Variants in SORCS2 observed in about 807,000 individuals in gnomAD.
The protein encoded by SORCS2 is VPS10 domain-containing receptor SorCS2.
Under a neutral mutation model 141.6 loss-of-function variants are expected in SORCS2, and 100 were observed. The observed-to-expected ratio is 0.71, with a 90% CI of 0.60 to 0.83. The LOEUF (loss-of-function observed/expected upper bound fraction) is 0.83. Among genes scored for constraint, SORCS2 ranks in the 40% least tolerant of loss-of-function variants. The pLI, the probability that SORCS2 is intolerant of heterozygous loss-of-function variation, is 0.00. For missense variants in SORCS2, 1,646 were observed against 1,560.2 expected (o/e 1.05, Z -0.93); for synonymous variants, 789 against 676.9 (o/e 1.17, Z -2.57).
chr4:7,735,148 G>A (rs747830547), intron 25 of SORCS2, among the ~76,000 whole-genome samples: 17 of 152,204 alleles, frequency 1.1e-4, no homozygotes, highest in Admixed American at 3.3e-4. Flanking sequence ...CCCTGCAAAC[G>A]CAGCTCCCAG....
chr4:7,515,347 G>T (rs539709375), intron 2 of SORCS2, among the ~76,000 whole-genome samples: 2 of 152,358 alleles, frequency 1.3e-5, no homozygotes, highest in African/African-American at 4.8e-5. Context: ...GGGAGACTGG[G>T]TCAGGGGCGG....
intron 3 of SORCS2, among the ~76,000 whole-genome samples, chr4:7,620,349 G>T (rs1259780824): frequency 6.6e-6 from 1 of 152,230 alleles, no homozygotes; most frequent in Non-Finnish European, 1.5e-5. Context: ...CAGTCTCTCA[G>T]CTTTTTAGGG....
At chr4:7,497,649 C>T (rs976571765) in intron 2 of SORCS2, among the ~76,000 whole-genome samples, 4 of 152,252 alleles carry the variant, frequency 2.6e-5, no homozygotes, top group Admixed American at 6.5e-5. Flanking sequence ...TGGTCCTGCA[C>T]AAGGAACCAC....
chr4:7,430,603 C>G (rs1211034704), intron 2 of SORCS2: 1 of 152,272 alleles, frequency 6.6e-6, no homozygotes, highest in East Asian at 1.9e-4. Context: ...GGCAGCCCGG[C>G]GGGAGCCCTC....
intron 2 of SORCS2, among the ~76,000 whole-genome samples, chr4:7,437,624 G>A (rs947621355): frequency 4.6e-5 from 7 of 152,188 alleles, no homozygotes; most frequent in African/African-American, 1.7e-4. Flanking sequence ...TGGTCAGAGG[G>A]GGTCATTATG....
chr4:7,551,274 G>A (rs1222100437), intron 3 of SORCS2, among the ~76,000 whole-genome samples: 1 of 97,340 alleles, frequency 1.0e-5, no homozygotes, highest in African/African-American at 3.1e-5. Flanking sequence ...CCTCAGGCCA[G>A]AGTTCCATGG....
chr4:7,551,374 G>T (rs760083740), intron 3 of SORCS2, among the ~76,000 whole-genome samples: 8 of 152,146 alleles, frequency 5.3e-5, no homozygotes, highest in Non-Finnish European at 2.9e-5. Context: ...TAGAAATAAG[G>T]ACCAGCTAGG....
intron 8 of SORCS2, among the ~76,000 whole-genome samples, chr4:7,669,280 G>A (rs1295087247): frequency 6.6e-6 from 1 of 152,222 alleles, no homozygotes; most frequent in Non-Finnish European, 1.5e-5. Flanking sequence ...GGTGGCATGT[G>A]CTGTGACTAT....
chr4:7,352,385 T>C (rs1720993771), intron 1 of SORCS2, among the ~76,000 whole-genome samples: 1 of 152,226 alleles, frequency 6.6e-6, no homozygotes, highest in African/African-American at 2.4e-5. Flanking sequence ...CTCAGAGGTG[T>C]GTGGGCCAGT....
intron 3 of SORCS2, among the ~76,000 whole-genome samples, chr4:7,548,645 A>T (rs1224949972): frequency 1.3e-5 from 2 of 152,014 alleles, no homozygotes; most frequent in African/African-American, 4.8e-5. Context: ...CAGTCATGTG[A>T]CAGTGTGCCT....
At chr4:7,379,297 G>A (rs1443768184) in intron 1 of SORCS2, among the ~76,000 whole-genome samples, 1 of 152,188 alleles carries the variant, frequency 6.6e-6, no homozygotes, top group East Asian at 1.9e-4. Flanking sequence ...AGGGCAGGAG[G>A]GAGGGCAGGA....
chr4:7,717,762 C>T (rs931169407), intron 17 of SORCS2, among the ~76,000 whole-genome samples: 1 of 152,224 alleles, frequency 6.6e-6, no homozygotes, highest in African/African-American at 2.4e-5. Flanking sequence ...ACGGAGATGC[C>T]AGCGCCTCCG....
chr4:7,465,723 A>G (rs1040507431), intron 2 of SORCS2, among the ~76,000 whole-genome samples: 1 of 152,382 alleles, frequency 6.6e-6, no homozygotes, highest in Middle Eastern at 3.4e-3. Flanking sequence ...CCCCGCTTCT[A>G]ATAGTTACAC....
At chr4:7,682,652 G>T (rs181554327) in intron 9 of SORCS2, 91 bp from the exon 10 acceptor site, 1 of 1,298,302 alleles carries the variant, frequency 7.7e-7, no homozygotes, top group Admixed American at 2.3e-5. Context: ...CATGTGCAGA[G>T]CACTTTAGCA....
At chr4:7,425,246 C>T (rs1265679901) in intron 2 of SORCS2, among the ~76,000 whole-genome samples, 5 of 152,210 alleles carry the variant, frequency 3.3e-5, no homozygotes, top group Non-Finnish European at 5.9e-5. Flanking sequence ...GTGGGGTGAC[C>T]TTCGGCTCCA....
rs1370077245 is a variant in SORCS2, at chr4:7,617,149, C to T, written c.649-21179C>T. ...CCCTGTAGTATTCTATCCGTCCACC[C>T]GCCATCCACCATCCATCTATCCAAG... is the stretch of plus-strand genomic sequence containing the variant. On this transcript the variant is annotated intron_variant, in intron 3 of 26. Transcript: ENST00000507866. Among the ~76,000 whole-genome samples the T allele has an allele frequency of 5.3e-5, 8 of 152,214 alleles. No individual in the cohort carries two copies. The South Asian group carries it at 1.2e-3, about 24-fold the overall frequency.
At chr4:7,636,937 G>A (rs1156302680) in intron 3 of SORCS2, among the ~76,000 whole-genome samples, 2 of 152,046 alleles carry the variant, frequency 1.3e-5, no homozygotes, top group African/African-American at 4.8e-5. Flanking sequence ...GTTCTGTGCC[G>A]CTCCCAGCTT....
At chr4:7,278,121 C>T (rs976443725) in intron 1 of SORCS2, among the ~76,000 whole-genome samples, 10 of 152,170 alleles carry the variant, frequency 6.6e-5, no homozygotes, top group South Asian at 4.1e-4. Context: ...CAGGGCTCCC[C>T]GGTGCCCTCT....
intron 2 of SORCS2, among the ~76,000 whole-genome samples, chr4:7,415,334 A>G (rs1319254750): frequency 6.6e-6 from 1 of 152,188 alleles, no homozygotes; most frequent in Non-Finnish European, 1.5e-5. Flanking sequence ...GAAAGAATCC[A>G]TTCTCTTGCC....
Sources: gnomAD v4.1 joint callset for allele counts (sites outside exome capture counted in the v4.1 genomes callset) on GRCh38, gnomAD v4.1.1 for gene constraint, MANE v1.5 for transcripts, NCBI Gene and HGNC (gene_info 2026-07-23, HGNC 2026-07-21) for gene names.